Variants in IFT88 observed in about 807,000 individuals in gnomAD.
IFT88 encodes intraflagellar transport 88, also known as intraflagellar transport protein 88 homolog.
In IFT88, 74 loss-of-function variants were observed where a neutral mutation model predicts 119.5. That is an observed-to-expected ratio of 0.62 (90% confidence interval 0.51 to 0.75). The LOEUF is 0.75. Among genes scored for constraint, IFT88 ranks in the 30% least tolerant of loss-of-function variants. The pLI, the probability that IFT88 is intolerant of heterozygous loss-of-function variation, is 0.00. For synonymous variants in IFT88, 279 were observed against 316.7 expected (o/e 0.88, Z 1.26); for missense variants, 961 against 977.7 (o/e 0.98, Z 0.23).
At chr13:20,622,741 G>A (rs2046737386) in intron 14 of IFT88, among the ~76,000 whole-genome samples, 1 of 152,006 alleles carries the variant, frequency 6.6e-6, no homozygotes, top group Admixed American at 6.6e-5. Flanking sequence ...ATTATCAGAT[G>A]CATGATTTGC....
intron 24 of IFT88, among the ~76,000 whole-genome samples, chr13:20,685,379 T>C (rs2057798301): frequency 1.3e-5 from 2 of 152,322 alleles, no homozygotes; most frequent in African/African-American, 4.8e-5. Context: ...CTTTAAGGCC[T>C]GTTTATGACA....
chr13:20,607,623 G>GT, intron 13 of IFT88: 4 of 826,770 alleles, frequency 4.8e-6, no homozygotes, highest in South Asian at 1.3e-5. Flanking sequence ...CTGCCACGCT[G>GT]TTTTTTTATG....
At chr13:20,601,386 A>T (rs117646524) in intron 11 of IFT88, among the ~76,000 whole-genome samples, 1 of 150,996 alleles carries the variant, frequency 6.6e-6, no homozygotes, top group Non-Finnish European at 1.5e-5. Context: ...AAAAAGACTA[A>T]TGGTTACCTA....
intron 17 of IFT88, among the ~76,000 whole-genome samples, chr13:20,640,354 A>ATG (rs1464202450): frequency 6.6e-6 from 1 of 151,100 alleles, no homozygotes; most frequent in Non-Finnish European, 1.5e-5. Context: ...CAGGCGGATC[A>ATG]TGAGGTCAGG....
intron 24 of IFT88, among the ~76,000 whole-genome samples, chr13:20,680,808 G>GA (rs58244263): frequency 0.49 from 74,629 of 151,894 alleles, 19,329 homozygotes; most frequent in East Asian, 0.7. Context: ...TTGGCCTGGA[G>GA]AACACAAGCA....
At position 20,615,693 on chromosome 13, in the gene IFT88, A is replaced by G. The variant is rs138219704; in HGVS notation, c.1113-100A>G. On this transcript the variant is annotated intron_variant, in intron 13 of 25. Transcript: ENST00000351808. ...CCATTGTTTAGTAGGCTTTTGTGGT[A>G]TGTTAGTTTTGATAGATAATGTTTA... 1,261 of 585,430 alleles carry G rather than the reference A, an allele frequency of 2.2e-3. 3 individuals carry two copies. The highest frequency in any genetic ancestry group is 3.2e-3 in the Non-Finnish European group (1,097 of 339,786). 36.3% of individuals were successfully genotyped at this position (585,430 alleles called of 1,614,324 possible).
In IFT88 at chr13:20,592,384, GGAAGCC is replaced by G; in HGVS notation, c.379_384del (p.Glu127_Ala128del). Reference sequence around the variant, plus strand: ...AGTCAAGGGGCCCTGCTTCCCCTTTGGAAGCCAAGAAAAAAGATAGGTATGTAAGTC... The same window carrying G: ...AGTCAAGGGGCCCTGCTTCCCCTTTGAAGAAAAAAGATAGGTATGTAAGTC... On this transcript the variant is annotated inframe_deletion, in exon 7 of 26. Coordinates refer to ENST00000351808, the MANE Select transcript of IFT88 (RefSeq NM_006531.5). The G allele has an allele frequency of 2.5e-6, 4 of 1,609,970 alleles. No homozygotes were observed. The highest frequency in any genetic ancestry group is 3.4e-6 in the Non-Finnish European group (4 of 1,178,392).
chr13:20,634,967 A>C, intron 16 of IFT88, among the ~76,000 whole-genome samples: 1 of 100,932 alleles, frequency 9.9e-6, no homozygotes, highest in East Asian at 3.6e-4. Flanking sequence ...ACCCCACAAC[A>C]GGCCCCGGTG....
intron 13 of IFT88, chr13:20,607,451 C>G: frequency 1.5e-6 from 1 of 667,656 alleles, no homozygotes; most frequent in East Asian, 2.9e-5. Flanking sequence ...GTACTTGTCA[C>G]TCATCCCCAT....
intron 1 of IFT88, chr13:20,567,855 G>GTTTT: frequency 2.2e-6 from 2 of 897,836 alleles, no homozygotes; most frequent in East Asian, 2.8e-5. Flanking sequence ...CTGGTTGTGA[G>GTTTT]TTTTTTTTGT....
chr13:20,580,243 C>T (rs528309136), intron 2 of IFT88, among the ~76,000 whole-genome samples: 33 of 152,148 alleles, frequency 2.2e-4, no homozygotes, highest in African/African-American at 7.7e-4. Flanking sequence ...CTCTGCCAGA[C>T]GCGGGGACTC....
In IFT88 at chr13:20,630,301, T is replaced by C. The variant is rs189312818; in HGVS notation, c.1300-715T>C. Among the ~76,000 whole-genome samples, 8 of 152,350 alleles carry C rather than the reference T, an allele frequency of 5.3e-5. No homozygotes were observed. The East Asian group carries it at 1.5e-3, about 29-fold the overall frequency. ...ATTTTCTGGGACCTTGGCCTTAAAG[T>C]CCTGTTTGCTTTGCTAGCTCTACAG... is the stretch of plus-strand genomic sequence containing the variant. On this transcript the variant is annotated intron_variant, in intron 15 of 25. Transcript: ENST00000351808.
intron 14 of IFT88, among the ~76,000 whole-genome samples, chr13:20,618,944 C>CCTCCCGAGTCCACGCTATT (rs2046078045): frequency 6.6e-6 from 1 of 151,560 alleles, no homozygotes; most frequent in Non-Finnish European, 1.5e-5. Flanking sequence ...ACAAGCTCCA[C>CCTCCCGAGTCCACGCTATT]CTCCTGAGTC....
At chr13:20,616,861 G>A (rs1391101569) in intron 14 of IFT88, among the ~76,000 whole-genome samples, 1 of 152,130 alleles carries the variant, frequency 6.6e-6, no homozygotes, top group South Asian at 2.1e-4. Flanking sequence ...TTGGCAATAG[G>A]AATTTTTTAG....
chr13:20,639,280 T>G (rs1046271494), intron 17 of IFT88, among the ~76,000 whole-genome samples: 5 of 152,210 alleles, frequency 3.3e-5, no homozygotes, highest in African/African-American at 1.2e-4. Context: ...GGCTGTCTCC[T>G]GGTATTCAGG....
At chr13:20,674,721 T>TTG (rs1566450538) in intron 24 of IFT88, among the ~76,000 whole-genome samples, 5 of 30,092 alleles carry the variant, frequency 1.7e-4, no homozygotes, top group African/African-American at 2.3e-4. Flanking sequence ...TATATATATA[T>TTG]ATATTTTTTT....
At chr13:20,578,548 G>A (rs180922739) in intron 2 of IFT88, among the ~76,000 whole-genome samples, 2 of 151,536 alleles carry the variant, frequency 1.3e-5, no homozygotes, top group Non-Finnish European at 1.5e-5. Context: ...TTCTGGTTTT[G>A]TTGTAGTTGT....
Position 20,638,367 on chromosome 13 carries a change from T to TA in IFT88, c.1423dup (p.Ile475AsnfsTer6), listed in dbSNP as rs1442794058. ...TTGCACAAGCCAGCAGCTATGCAGA[T>TA]ATAGCTGTGAACTCTGATAGATATA... is the stretch of plus-strand genomic sequence containing the variant. On this transcript the variant is annotated frameshift_variant, in exon 17 of 26. Transcript: ENST00000351808. LOFTEE classifies it high-confidence loss of function. The TA allele has an allele frequency of 2.1e-6, 3 of 1,446,650 alleles. No homozygotes were observed. Among genetic ancestry groups the TA allele is most frequent in the Non-Finnish European group, 2.7e-6 (3 of 1,097,834 alleles). 89.6% of individuals were successfully genotyped at this position (1,446,650 alleles called of 1,614,324 possible).
intron 13 of IFT88, among the ~76,000 whole-genome samples, chr13:20,610,336 C>T (rs9578305): frequency 0.068 from 10,305 of 151,936 alleles, 415 homozygotes; most frequent in Non-Finnish European, 0.08. Context: ...CTGTGTAAAA[C>T]GGGAAGAGTC....
Sources: gnomAD v4.1 joint callset for allele counts (sites outside exome capture counted in the v4.1 genomes callset) on GRCh38, gnomAD v4.1.1 for gene constraint, MANE v1.5 for transcripts, NCBI Gene and HGNC (gene_info 2026-07-23, HGNC 2026-07-21) for gene names.